UMAD1: variants seen among roughly 807,000 people sequenced by gnomAD.
The protein encoded by UMAD1 is UBAP1-MVB12-associated (UMA) domain containing 1, also known as UBAP1-MVB12-associated (UMA)-domain containing protein 1.
In UMAD1, 8 loss-of-function variants were observed where a neutral mutation model predicts 6.1. That is an observed-to-expected ratio of 1.30 (90% CI 0.76 to 2.35). The LOEUF (loss-of-function observed/expected upper bound fraction) is 2.35, where lower values mean the gene tolerates loss of function less well. Among genes scored for constraint, UMAD1 ranks in the 30% most tolerant of loss-of-function variants. UMAD1 has a pLI of 0.00. For missense variants in UMAD1, 130 were observed against 78.4 expected (o/e 1.66, Z -2.49); for synonymous variants, 56 against 31.4 (o/e 1.78, Z -2.61).
intron 1 of UMAD1, among the ~76,000 whole-genome samples, chr7:7,655,987 C>T (rs1484235475): frequency 6.6e-6 from 1 of 152,154 alleles, no homozygotes; most frequent in Non-Finnish European, 1.5e-5. Flanking sequence ...AGGCATGCGC[C>T]ATCATGCCTG....
At chr7:7,812,549 G>T (rs576035116) in intron 3 of UMAD1, among the ~76,000 whole-genome samples, 1 of 152,208 alleles carries the variant, frequency 6.6e-6, no homozygotes, top group South Asian at 2.1e-4. Flanking sequence ...ATACACATGT[G>T]TTAATTATAT....
At chr7:7,677,834 C>T (rs945193971) in intron 2 of UMAD1, among the ~76,000 whole-genome samples, 18 of 150,914 alleles carry the variant, frequency 1.2e-4, no homozygotes, top group African/African-American at 3.4e-4. Flanking sequence ...CCACTACGCC[C>T]GGCTAATTTT....
intron 2 of UMAD1, among the ~76,000 whole-genome samples, chr7:7,781,341 A>G (rs1431302278): frequency 1.3e-5 from 2 of 152,012 alleles, no homozygotes; most frequent in Non-Finnish European, 2.9e-5. Flanking sequence ...TTCTTTTTCA[A>G]AAATAATCTG....
chr7:7,693,337 A>AT (rs71010999), intron 2 of UMAD1, among the ~76,000 whole-genome samples: 4 of 151,578 alleles, frequency 2.6e-5, no homozygotes, highest in African/African-American at 9.7e-5. Flanking sequence ...CTATCTATCT[A>AT]CATTATTTCG....
chr7:7,808,949 C>G (rs1782973390), intron 3 of UMAD1, among the ~76,000 whole-genome samples: 1 of 151,886 alleles, frequency 6.6e-6, no homozygotes, highest in South Asian at 2.1e-4. Flanking sequence ...GTTATACTGA[C>G]AGAAGACACA....
intron 2 of UMAD1, among the ~76,000 whole-genome samples, chr7:7,698,831 C>A (rs905026138): frequency 2.2e-4 from 33 of 150,632 alleles, no homozygotes; most frequent in South Asian, 1.5e-3. Context: ...CATGACATTT[C>A]TGGCTGTGGA....
chr7:7,705,426 A>G (rs546687297), intron 2 of UMAD1, among the ~76,000 whole-genome samples: 3 of 152,230 alleles, frequency 2.0e-5, no homozygotes, highest in Non-Finnish European at 4.4e-5. Context: ...ATAACTATGT[A>G]GGTTTAAGTT....
intron 3 of UMAD1, among the ~76,000 whole-genome samples, chr7:7,825,743 A>T (rs902731271): frequency 1.3e-5 from 2 of 152,152 alleles, no homozygotes; most frequent in Admixed American, 6.6e-5. Flanking sequence ...TACCAAGGAA[A>T]AAGGTGTTTG....
chr7:7,695,431 A>G (rs529164157), intron 2 of UMAD1, among the ~76,000 whole-genome samples: 1 of 151,650 alleles, frequency 6.6e-6, no homozygotes, highest in Non-Finnish European at 1.5e-5. Context: ...TCTAGACATA[A>G]TACGTTGATT....
intron 2 of UMAD1, among the ~76,000 whole-genome samples, chr7:7,713,060 C>T (rs116180561): frequency 0.029 from 4,366 of 151,798 alleles, 190 homozygotes; most frequent in African/African-American, 0.096. Flanking sequence ...ATTCTAGGGC[C>T]GCGCGCGGTG....
At chr7:7,661,894 A>AAGCTGCACCCAC (rs1463032947) in intron 1 of UMAD1, among the ~76,000 whole-genome samples, 8 of 152,100 alleles carry the variant, frequency 5.3e-5, no homozygotes, top group African/African-American at 1.9e-4. Flanking sequence ...AATTCTGCTG[A>AAGCTGCACCCAC]AGCTGCACCC....
intron 2 of UMAD1, among the ~76,000 whole-genome samples, chr7:7,777,317 C>T (rs1782230152): frequency 1.3e-5 from 2 of 151,488 alleles, no homozygotes; most frequent in South Asian, 2.1e-4. Context: ...CCAGCCTGGC[C>T]AACATGGTGA....
intron 2 of UMAD1, among the ~76,000 whole-genome samples, chr7:7,780,522 C>T (rs1782323356): frequency 6.6e-6 from 1 of 152,142 alleles, no homozygotes; most frequent in South Asian, 2.1e-4. Flanking sequence ...CAGAAACATG[C>T]ACAAACGATA....
chr7:7,787,079 C>G (rs547141760), intron 2 of UMAD1, among the ~76,000 whole-genome samples: 1 of 152,118 alleles, frequency 6.6e-6, no homozygotes, highest in Non-Finnish European at 1.5e-5. Flanking sequence ...TTTCACTAAA[C>G]CTGCCCCCTA....
At chr7:7,732,553 A>G (rs1197558786) in intron 2 of UMAD1, among the ~76,000 whole-genome samples, 1 of 152,234 alleles carries the variant, frequency 6.6e-6, no homozygotes, top group Non-Finnish European at 1.5e-5. Flanking sequence ...ATTGCAGTTT[A>G]AATTTATAGA....
At chr7:7,804,470 C>T (rs1041991654) in intron 3 of UMAD1, among the ~76,000 whole-genome samples, 6 of 152,096 alleles carry the variant, frequency 3.9e-5, no homozygotes, top group African/African-American at 1.4e-4. Flanking sequence ...CTCCGGAGTT[C>T]AAGACCAGCC....
At chr7:7,702,669 T>G (rs1033228912) in intron 2 of UMAD1, among the ~76,000 whole-genome samples, 2 of 152,242 alleles carry the variant, frequency 1.3e-5, no homozygotes, top group Non-Finnish European at 2.9e-5. Context: ...TTGTGTATAT[T>G]AAGTGACTTT....
At chr7:7,786,116 G>A (rs539257312) in intron 2 of UMAD1, among the ~76,000 whole-genome samples, 50 of 152,246 alleles carry the variant, frequency 3.3e-4, no homozygotes, top group African/African-American at 9.6e-4. Context: ...TTTCATAAAA[G>A]CAAGGGCATC....
chr7:7,826,545 G>C (rs1321683264), intron 3 of UMAD1, among the ~76,000 whole-genome samples: 1 of 152,080 alleles, frequency 6.6e-6, no homozygotes, highest in Non-Finnish European at 1.5e-5. Context: ...TTGGTGAATA[G>C]AAAAATGGTT....
Sources: gnomAD v4.1 joint callset for allele counts (sites outside exome capture counted in the v4.1 genomes callset) on GRCh38, gnomAD v4.1.1 for gene constraint, MANE v1.5 for transcripts, NCBI Gene and HGNC (gene_info 2026-07-23, HGNC 2026-07-21) for gene names.